The following TMEM131L variants were observed in gnomAD, a reference collection of about 807,000 sequenced individuals.
The protein encoded by TMEM131L is transmembrane protein 131-like.
In TMEM131L, 54 loss-of-function variants were observed where a neutral mutation model predicts 192.2. The ratio of observed to expected loss-of-function variants is 0.28; its 90% CI spans 0.23 to 0.35. The LOEUF is 0.35. Ranked by LOEUF, TMEM131L falls within the 10% of genes least tolerant of loss-of-function variation. The pLI is 1.00. For missense variants in TMEM131L, 1,888 were observed against 1,972.9 expected (o/e 0.96, Z 0.82); for synonymous variants, 701 against 704.9 (o/e 0.99, Z 0.09).
chr4:153,568,982 G>A (rs1394875286), intron 7 of TMEM131L, among the ~76,000 whole-genome samples: 3 of 152,200 alleles, frequency 2.0e-5, no homozygotes, highest in Non-Finnish European at 2.9e-5. Flanking sequence ...TGGGTCTGAA[G>A]GACAGATGCT....
chr4:153,554,245 G>A (rs1737837582), intron 4 of TMEM131L: 1 of 152,160 alleles, frequency 6.6e-6, no homozygotes, highest in South Asian at 2.1e-4. Flanking sequence ...AGGCTTTTCT[G>A]AAGTGACCCT....
At chr4:153,567,408 CTG>C (rs1729293326) in intron 7 of TMEM131L, among the ~76,000 whole-genome samples, 1 of 152,138 alleles carries the variant, frequency 6.6e-6, no homozygotes, top group African/African-American at 2.4e-5. Context: ...CAAGATGTAA[CTG>C]TTTTTTGTTG....
In TMEM131L at chr4:153,592,562, C is replaced by A; in HGVS notation, c.1900C>A (p.Leu634Ile). ...PLSLYPKPEA[L>I]VHLLHRWFGT... Reference sequence around the variant, plus strand: ...CTCCTTGTACCCTAAACCCGAAGCCCTAGTGCACCTGCTCCACAGATGGTA... The same window carrying A: ...CTCCTTGTACCCTAAACCCGAAGCCATAGTGCACCTGCTCCACAGATGGTA... Residue 634 changes from leucine to isoleucine, a missense_variant, in exon 18 of 35, where the codon CTA becomes ATA. Coordinates refer to ENST00000409959, the MANE Select transcript of TMEM131L (RefSeq NM_001131007.2). 1 of 1,613,652 alleles carries A rather than the reference C, an allele frequency of 6.2e-7. No homozygotes were observed. The highest frequency in any genetic ancestry group is 8.5e-7 in the Non-Finnish European group (1 of 1,179,540).
At chr4:153,509,043 A>G (rs575498883) in intron 3 of TMEM131L, among the ~76,000 whole-genome samples, 3 of 152,224 alleles carry the variant, frequency 2.0e-5, no homozygotes, top group Admixed American at 6.5e-5. Flanking sequence ...TTAATTGTAA[A>G]TAACACATCT....
Position 153,591,035 on chromosome 4 carries a change from T to G in TMEM131L, c.1671-18T>G, listed in dbSNP as rs1373176528. On this transcript the variant is annotated intron_variant, in intron 16 of 34. Transcript: ENST00000409959. ...TATCAAAATATTTTTCATAATAGTT[T>G]CTTTATCAATTAAACAGGAGGAATG... 6.8e-7 allele frequency: 1 copy of G among 1,473,120 alleles called. No homozygotes were observed. The highest frequency in any genetic ancestry group is 2.4e-5 in the East Asian group (1 of 40,836). The allele number at this position is 1,473,120 out of a possible 1,614,324, so 91.3% of individuals were successfully genotyped here.
At chr4:153,568,413 A>G (rs1198339937) in intron 7 of TMEM131L, among the ~76,000 whole-genome samples, 1 of 152,104 alleles carries the variant, frequency 6.6e-6, no homozygotes, top group East Asian at 1.9e-4. Flanking sequence ...CTTTTAACTC[A>G]ATGTTTACCT....
intron 3 of TMEM131L, among the ~76,000 whole-genome samples, chr4:153,519,543 A>C (rs539623215): frequency 1.3e-5 from 2 of 152,214 alleles, no homozygotes; most frequent in Admixed American, 1.3e-4. Flanking sequence ...GTCTGACTCT[A>C]TTTGCCATCA....
chr4:153,624,309 G>T (rs1178465706), intron 29 of TMEM131L, among the ~76,000 whole-genome samples: 1 of 152,018 alleles, frequency 6.6e-6, no homozygotes, highest in Non-Finnish European at 1.5e-5. Flanking sequence ...AGTAGAGACG[G>T]GGTTTCATCA....
intron 21 of TMEM131L, among the ~76,000 whole-genome samples, chr4:153,600,196 C>T (rs1428916766): frequency 1.1e-4 from 16 of 152,022 alleles, no homozygotes; most frequent in Non-Finnish European, 1.5e-5. Flanking sequence ...AAGACCTCAT[C>T]TCTGCTAAGA....
chr4:153,509,565 A>C (rs763214252), intron 3 of TMEM131L, among the ~76,000 whole-genome samples: 19 of 152,030 alleles, frequency 1.2e-4, no homozygotes, highest in Non-Finnish European at 2.2e-4. Context: ...TTCTCTACTA[A>C]AAATACCAAA....
chr4:153,617,864 T>G (rs1167338842), intron 26 of TMEM131L, among the ~76,000 whole-genome samples: 1 of 53,964 alleles, frequency 1.9e-5, no homozygotes. Context: ...CTCTTCGTGG[T>G]TTTTTTTTTT....
chr4:153,523,907 C>T (rs1735290974), intron 3 of TMEM131L, among the ~76,000 whole-genome samples: 1 of 152,136 alleles, frequency 6.6e-6, no homozygotes, highest in African/African-American at 2.4e-5. Flanking sequence ...TCAGAGGAGG[C>T]CTCAGCCTTC....
At chr4:153,592,907 A>G (rs7670353) in intron 18 of TMEM131L, among the ~76,000 whole-genome samples, 40,876 of 152,126 alleles carry the variant, frequency 0.27, 5,844 homozygotes, top group Non-Finnish European at 0.33. Flanking sequence ...GGTGATTTCT[A>G]GGCAGCATAA....
chr4:153,553,457 TAA>T (rs34266190), intron 4 of TMEM131L, among the ~76,000 whole-genome samples: 10 of 143,702 alleles, frequency 7.0e-5, no homozygotes, highest in Admixed American at 1.4e-4. Flanking sequence ...TTGCTGAAGT[TAA>T]AAAAAAAAAA....
intron 3 of TMEM131L, among the ~76,000 whole-genome samples, chr4:153,478,866 C>T (rs926989229): frequency 3.3e-5 from 5 of 150,992 alleles, no homozygotes; most frequent in Non-Finnish European, 7.4e-5. Flanking sequence ...CCCCACGATA[C>T]CAGCTTAATG....
intron 3 of TMEM131L, among the ~76,000 whole-genome samples, chr4:153,511,009 A>G (rs1734316625): frequency 6.6e-6 from 1 of 152,194 alleles, no homozygotes; most frequent in African/African-American, 2.4e-5. Flanking sequence ...CCTTTTTCCA[A>G]GGAATGCTTA....
At chr4:153,504,967 C>T (rs1290070601) in intron 3 of TMEM131L, among the ~76,000 whole-genome samples, 1 of 152,110 alleles carries the variant, frequency 6.6e-6, no homozygotes, top group Non-Finnish European at 1.5e-5. Context: ...GATGGGTTGG[C>T]TAGGAGCGAA....
chr4:153,490,450 A>AC (rs2149878021), intron 3 of TMEM131L, among the ~76,000 whole-genome samples: 1 of 152,230 alleles, frequency 6.6e-6, no homozygotes, highest in Non-Finnish European at 1.5e-5. Flanking sequence ...AATCCATTTA[A>AC]CCTGGGTTGT....
intron 21 of TMEM131L, among the ~76,000 whole-genome samples, chr4:153,600,916 G>A (rs542881711): frequency 6.6e-6 from 1 of 152,298 alleles, no homozygotes; most frequent in Admixed American, 6.5e-5. Flanking sequence ...TTTGAGGCCA[G>A]CCTGGCCAAC....
Sources: allele counts gnomAD v4.1 joint callset (sites outside exome capture counted in the v4.1 genomes callset), GRCh38; gene constraint gnomAD v4.1.1; transcripts MANE v1.5; gene names NCBI Gene and HGNC (gene_info 2026-07-23, HGNC 2026-07-21).